Variants in SCD5 observed in about 807,000 individuals in gnomAD.
SCD5 encodes the protein acyl-CoA-desaturase 4.
In SCD5, 20 loss-of-function variants were observed where a neutral mutation model predicts 30.4. The ratio of observed to expected loss-of-function variants is 0.66; its 90% CI spans 0.46 to 0.96. The LOEUF is 0.96. SCD5 is among the 40% of genes least tolerant of loss of function. The pLI is 0.00. For synonymous variants in SCD5, 173 were observed against 176.4 expected (o/e 0.98, Z 0.16); for missense variants, 381 against 443.3 (o/e 0.86, Z 1.26).
intron 3 of SCD5, among the ~76,000 whole-genome samples, chr4:82,672,216 A>G (rs1206800195): frequency 6.6e-6 from 1 of 152,140 alleles, no homozygotes; most frequent in East Asian, 1.9e-4. Context: ...GCAGAGAGAA[A>G]TGAAATTATG....
intron 1 of SCD5, among the ~76,000 whole-genome samples, chr4:82,752,273 T>TA (rs1721119729): frequency 1.4e-5 from 2 of 145,634 alleles, no homozygotes; most frequent in Non-Finnish European, 3.0e-5. Context: ...TTTTAAAAAA[T>TA]TATATATATA....
chr4:82,736,570 TGC>T (rs1720756817), intron 1 of SCD5, among the ~76,000 whole-genome samples: 7 of 151,860 alleles, frequency 4.6e-5, no homozygotes, highest in African/African-American at 7.3e-5. Flanking sequence ...ATCGCGCCAT[TGC>T]ACTCCAGTCT....
intron 1 of SCD5, among the ~76,000 whole-genome samples, chr4:82,747,996 G>A (rs1301697179): frequency 6.6e-6 from 1 of 152,182 alleles, no homozygotes; most frequent in African/African-American, 2.4e-5. Context: ...GTGGAAGGCA[G>A]GAAGATTACT....
At chr4:82,634,754 T>A (rs1577998154) in intron 4 of SCD5, among the ~76,000 whole-genome samples, 1 of 152,192 alleles carries the variant, frequency 6.6e-6, no homozygotes, top group African/African-American at 2.4e-5. Context: ...CCCTACATGG[T>A]GACGGACCAT....
chr4:82,770,177 T>G (rs1222512533), intron 1 of SCD5, among the ~76,000 whole-genome samples: 3 of 146,048 alleles, frequency 2.1e-5, no homozygotes, highest in Admixed American at 1.3e-4. Context: ...AATGCTATCC[T>G]GCCCCCCTCC....
chr4:82,682,025 CAG>C (rs1366463751), intron 2 of SCD5, among the ~76,000 whole-genome samples: 1 of 152,218 alleles, frequency 6.6e-6, no homozygotes, highest in Non-Finnish European at 1.5e-5. Flanking sequence ...ACTGCTCTAA[CAG>C]AGTGTAACAG....
chr4:82,718,007 G>GAA, intron 1 of SCD5, among the ~76,000 whole-genome samples: 1 of 127,170 alleles, frequency 7.9e-6, no homozygotes, highest in African/African-American at 3.0e-5. Context: ...TCAGGCAAGT[G>GAA]AAAAAAAAAA....
chr4:82,688,008 T>C (rs1005697956), intron 2 of SCD5, among the ~76,000 whole-genome samples: 4 of 152,228 alleles, frequency 2.6e-5, no homozygotes, highest in African/African-American at 7.2e-5. Flanking sequence ...GAATCATTGA[T>C]TGGTTTTCCC....
chr4:82,647,687 T>G (rs937818165), intron 3 of SCD5, among the ~76,000 whole-genome samples: 1 of 152,198 alleles, frequency 6.6e-6, no homozygotes, highest in Non-Finnish European at 1.5e-5. Context: ...CCTACCCTGA[T>G]AGATCTCCTC....
At chr4:82,738,461 T>C (rs1392572656) in intron 1 of SCD5, among the ~76,000 whole-genome samples, 1 of 152,194 alleles carries the variant, frequency 6.6e-6, no homozygotes, top group Admixed American at 6.5e-5. Flanking sequence ...CTTTTGATTA[T>C]TTATTTTTTT....
At chr4:82,700,068 C>T (rs1209804211) in intron 2 of SCD5, among the ~76,000 whole-genome samples, 1 of 151,736 alleles carries the variant, frequency 6.6e-6, no homozygotes, top group Non-Finnish European at 1.5e-5. Flanking sequence ...AATGCAAAAA[C>T]AAGCTGGGTT....
chr4:82,783,640 C>T (rs772806694), intron 1 of SCD5, among the ~76,000 whole-genome samples: 4 of 151,822 alleles, frequency 2.6e-5, no homozygotes, highest in Non-Finnish European at 2.9e-5. Flanking sequence ...CCCATCTCTA[C>T]GAAAATAACA....
intron 1 of SCD5, among the ~76,000 whole-genome samples, chr4:82,714,216 C>A (rs1004599176): frequency 5.9e-5 from 9 of 152,222 alleles, no homozygotes; most frequent in African/African-American, 2.2e-4. Context: ...CACCTGGATC[C>A]TATTCCATTT....
intron 1 of SCD5, among the ~76,000 whole-genome samples, chr4:82,797,695 G>A (rs1722254305): frequency 6.6e-6 from 1 of 152,052 alleles, no homozygotes; most frequent in Non-Finnish European, 1.5e-5. Context: ...ACTGCAAATG[G>A]GCATAGAAGA....
chr4:82,687,037 G>C (rs1405473907), intron 2 of SCD5, among the ~76,000 whole-genome samples: 1 of 152,048 alleles, frequency 6.6e-6, no homozygotes, highest in East Asian at 1.9e-4. Context: ...TGGGCATGGT[G>C]GTGGGCACCT....
chr4:82,787,844 C>T (rs569200951), intron 1 of SCD5, among the ~76,000 whole-genome samples: 1 of 152,216 alleles, frequency 6.6e-6, no homozygotes, highest in African/African-American at 2.4e-5. Flanking sequence ...GCCTGGACAA[C>T]ATAAAAAGAC....
chr4:82,635,619 T>TTAAA (rs373925269), intron 4 of SCD5, among the ~76,000 whole-genome samples: 1 of 114,498 alleles, frequency 8.7e-6, no homozygotes, highest in African/African-American at 3.6e-5. Context: ...GACTCCGTCT[T>TTAAA]AAAAAAAAAA....
At chr4:82,783,880 T>C (rs1044080075) in intron 1 of SCD5, among the ~76,000 whole-genome samples, 1 of 151,314 alleles carries the variant, frequency 6.6e-6, no homozygotes, top group African/African-American at 2.4e-5. Flanking sequence ...AATGTCCAGA[T>C]TTTGATAACT....
At chr4:82,663,194 G>C (rs1285546646) in intron 3 of SCD5, among the ~76,000 whole-genome samples, 2 of 152,196 alleles carry the variant, frequency 1.3e-5, no homozygotes, top group African/African-American at 4.8e-5. Flanking sequence ...TCCAAGGAGA[G>C]ACAGTACACA....
Sources: allele counts gnomAD v4.1 joint callset (sites outside exome capture counted in the v4.1 genomes callset), GRCh38; gene constraint gnomAD v4.1.1; transcripts MANE v1.5; gene names NCBI Gene and HGNC (gene_info 2026-07-23, HGNC 2026-07-21).